Variants in RSRC1 observed in about 807,000 individuals in gnomAD.
RSRC1 encodes arginine and serine rich coiled-coil 1.
RSRC1 carries 39 observed loss-of-function variants against 49.1 expected under a neutral mutation model. The observed-to-expected ratio is 0.79, with a 90% CI of 0.61 to 1.04. The LOEUF (loss-of-function observed/expected upper bound fraction) is 1.04, where lower values mean the gene tolerates loss of function less well. RSRC1 is among the 50% of genes least tolerant of loss of function. The pLI is 0.00. For missense variants in RSRC1, 388 were observed against 402.4 expected, an observed-to-expected ratio of 0.96 and a Z score of 0.31; for synonymous variants, 143 against 130.8, an observed-to-expected ratio of 1.09 and a Z score of -0.63.
At chr3:158,345,584 G>A (rs1730507124) in intron 5 of RSRC1, among the ~76,000 whole-genome samples, 1 of 151,856 alleles carries the variant, frequency 6.6e-6, no homozygotes, top group East Asian at 1.9e-4. Context: ...TAAAAATTGG[G>A]AATGCAAAGG....
chr3:158,477,561 G>A (rs1738420234), intron 7 of RSRC1, among the ~76,000 whole-genome samples: 2 of 151,914 alleles, frequency 1.3e-5, no homozygotes, highest in Admixed American at 1.3e-4. Flanking sequence ...GGCATGTACA[G>A]TGTTTTTTAG....
At chr3:158,196,904 A>G (rs951928204) in intron 3 of RSRC1, among the ~76,000 whole-genome samples, 1 of 152,180 alleles carries the variant, frequency 6.6e-6, no homozygotes. Flanking sequence ...TCGGTTTGCC[A>G]GTATTTTATT....
chr3:158,129,017 T>C (rs1224539531), intron 3 of RSRC1, among the ~76,000 whole-genome samples: 1 of 152,206 alleles, frequency 6.6e-6, no homozygotes, highest in Admixed American at 6.5e-5. Context: ...CTTGATCGTG[T>C]AGTTAAGGTG....
intron 3 of RSRC1, among the ~76,000 whole-genome samples, chr3:158,160,198 T>C (rs927835420): frequency 6.6e-6 from 1 of 152,176 alleles, no homozygotes; most frequent in African/African-American, 2.4e-5. Context: ...AATGATTGTG[T>C]CTGTGTCTCT....
chr3:158,438,975 A>AAACC (rs1736214150), intron 6 of RSRC1, among the ~76,000 whole-genome samples: 1 of 150,986 alleles, frequency 6.6e-6, no homozygotes, highest in Non-Finnish European at 1.5e-5. Flanking sequence ...TTATAAGAAA[A>AAACC]AAACAACCCC....
intron 6 of RSRC1, among the ~76,000 whole-genome samples, chr3:158,428,880 G>T (rs960325604): frequency 6.6e-6 from 1 of 151,854 alleles, no homozygotes; most frequent in African/African-American, 2.4e-5. Context: ...AGCGAGCACA[G>T]CTATGGAGAC....
chr3:158,224,068 A>G (rs1315023679), intron 4 of RSRC1, among the ~76,000 whole-genome samples: 1 of 151,740 alleles, frequency 6.6e-6, no homozygotes, highest in Non-Finnish European at 1.5e-5. Context: ...TCAGAAGGGA[A>G]GGGTCCTTGT....
intron 5 of RSRC1, among the ~76,000 whole-genome samples, chr3:158,353,642 T>C (rs1269976454): frequency 3.3e-5 from 5 of 152,246 alleles, no homozygotes; most frequent in African/African-American, 1.2e-4. Context: ...ACCATTCAAA[T>C]TCTTAAACTT....
rs562435960 is a variant in RSRC1, at chr3:158,114,507, G to A, written c.-3+4284G>A. On this transcript the variant is annotated intron_variant, in intron 1 of 9. Coordinates refer to ENST00000611884, the MANE Select transcript of RSRC1 (RefSeq NM_001271838.2). ...TCTTTTTTGGTTCCATATGAATTTT[G>A]AAATAGTTTTTTTTTCTGATTCTGT... Among the ~76,000 whole-genome samples, 6 of 151,990 alleles carry A rather than the reference G, an allele frequency of 3.9e-5. No homozygotes were observed. The East Asian group carries it at 9.7e-4, about 25-fold the overall frequency.
intron 4 of RSRC1, among the ~76,000 whole-genome samples, chr3:158,282,450 G>C (rs558936693): frequency 5.9e-5 from 9 of 152,112 alleles, no homozygotes; most frequent in Non-Finnish European, 1.3e-4. Context: ...CAGTGGCTTT[G>C]TTTTTTCTGA....
intron 5 of RSRC1, among the ~76,000 whole-genome samples, chr3:158,307,963 G>A (rs560151328): frequency 1.7e-4 from 26 of 151,544 alleles, no homozygotes; most frequent in Non-Finnish European, 2.8e-4. Context: ...TAAATATTTC[G>A]GCTAAAATTT....
chr3:158,394,798 A>C (rs1733518144), intron 6 of RSRC1, among the ~76,000 whole-genome samples: 1 of 152,170 alleles, frequency 6.6e-6, no homozygotes, highest in South Asian at 2.1e-4. Context: ...CATTTCTATC[A>C]AACTACCAAT....
At position 158,399,069 on chromosome 3, in the gene RSRC1, T is replaced by G. The variant is rs117054484; in HGVS notation, c.583+44161T>G. On this transcript the variant is annotated intron_variant, in intron 6 of 9. Coordinates refer to ENST00000611884, the MANE Select transcript of RSRC1 (RefSeq NM_001271838.2). The stretch of plus-strand genomic sequence containing the variant: ...TCATGTTTGAGATATTTCTAAAATC[T>G]TTACATGGATTCTACAATTCTTACT... Among the ~76,000 whole-genome samples the G allele has an allele frequency of 4.3e-3, 647 of 151,042 alleles. 8 individuals are homozygous for G. In the East Asian group the frequency reaches 0.048, roughly 11 times the overall value.
intron 4 of RSRC1, among the ~76,000 whole-genome samples, chr3:158,220,848 T>C (rs1722190252): frequency 6.6e-6 from 1 of 151,602 alleles, no homozygotes; most frequent in African/African-American, 2.4e-5. Context: ...GATAACTGAA[T>C]CAAAACATAC....
At chr3:158,338,820 C>T (rs75300962) in intron 5 of RSRC1, among the ~76,000 whole-genome samples, 2,476 of 152,246 alleles carry the variant, frequency 0.016, 65 homozygotes, top group African/African-American at 0.056. Flanking sequence ...AAAATTCAAG[C>T]TCTGCCACCT....
rs1560039311 is a variant in RSRC1 at position 158,429,464 on chromosome 3, A to G, written c.584-31471A>G. 5.0e-5 allele frequency among the ~76,000 whole-genome samples: 7 copies of G among 139,780 alleles called. No homozygotes were observed. The Admixed American group carries it at 5.2e-4, about 10-fold the overall frequency. The allele number at this position is 139,780 out of a possible 152,430, so 91.7% of individuals were successfully genotyped here. The stretch of plus-strand genomic sequence containing the variant: ...GTCTTGTATTTTATACCTCTTTTAT[A>G]TAGTCTATGAAAAGTAATTTGAAAT... On this transcript the variant is annotated intron_variant, in intron 6 of 9. Coordinates refer to ENST00000611884, the MANE Select transcript of RSRC1 (RefSeq NM_001271838.2).
intron 4 of RSRC1, among the ~76,000 whole-genome samples, chr3:158,213,533 A>G (rs1259096141): frequency 6.6e-6 from 1 of 151,976 alleles, no homozygotes; most frequent in Non-Finnish European, 1.5e-5. Context: ...ATGCTATTAC[A>G]TATGTGATGA....
At chr3:158,185,541 T>C (rs1365019912) in intron 3 of RSRC1, among the ~76,000 whole-genome samples, 9 of 151,860 alleles carry the variant, frequency 5.9e-5, no homozygotes, top group African/African-American at 2.2e-4. Context: ...GTAAACATCA[T>C]TTTGCTTTTA....
chr3:158,329,314 T>C (rs911357848), intron 5 of RSRC1, among the ~76,000 whole-genome samples: 7 of 152,258 alleles, frequency 4.6e-5, no homozygotes, highest in Admixed American at 1.3e-4. Flanking sequence ...AGAGGTGCTC[T>C]GATTTTTAGA....
Sources: gnomAD v4.1 joint callset for allele counts (sites outside exome capture counted in the v4.1 genomes callset) on GRCh38, gnomAD v4.1.1 for gene constraint, MANE v1.5 for transcripts, NCBI Gene and HGNC (gene_info 2026-07-23, HGNC 2026-07-21) for gene names.